Variants in CAST observed in about 807,000 individuals in gnomAD.
CAST encodes the protein MIR583 host.
A neutral mutation model predicts 119.6 loss-of-function variants in CAST; 76 were observed. The observed-to-expected ratio is 0.64, with a 90% confidence interval of 0.53 to 0.77. The LOEUF (loss-of-function observed/expected upper bound fraction) is 0.77, where lower values mean the gene tolerates loss of function less well. Among genes scored for constraint, CAST ranks in the 30% least tolerant of loss-of-function variants. The probability of loss-of-function intolerance (pLI) is 0.00; values close to 1 mark genes in which losing one functional copy is unlikely to be tolerated. For synonymous variants in CAST, 319 were observed against 331.6 expected, an observed-to-expected ratio of 0.96 and a Z score of 0.41; for missense variants, 953 against 946.5, an observed-to-expected ratio of 1.01 and a Z score of -0.09.
chr5:96,421,150 G>A, the CAST span, among the ~76,000 whole-genome samples: 1,985 of 152,344 alleles, frequency 0.013, 43 homozygotes, highest in African/African-American at 0.045. Flanking sequence ...GAGAGAAGTT[G>A]AAAGTCTCTT....
At chr5:96,351,077 A>G in the CAST span, among the ~76,000 whole-genome samples, 258 of 152,302 alleles carry the variant, frequency 1.7e-3, no homozygotes, top group Non-Finnish European at 2.4e-3. Flanking sequence ...AGGTTGAGAC[A>G]GTAACTTAGG....
At chr5:96,523,576 C>T (rs547963635), upstream of CAST, among the ~76,000 whole-genome samples, 2 of 152,252 alleles carry the variant, frequency 1.3e-5, no homozygotes, top group Admixed American at 6.5e-5. Flanking sequence ...CAGCTGGGAT[C>T]GCTCATAACA....
chr5:96,644,503 T>C (rs1347231743), intron 1 of CAST, among the ~76,000 whole-genome samples: 1 of 152,246 alleles, frequency 6.6e-6, no homozygotes, highest in African/African-American at 2.4e-5. Flanking sequence ...AACATAAAAT[T>C]GTTTTTCTTA....
chr5:96,329,181 C>A, the CAST span, among the ~76,000 whole-genome samples: 1,251 of 152,266 alleles, frequency 8.2e-3, 10 homozygotes, highest in Middle Eastern at 0.02. Flanking sequence ...TCTCTGAAAC[C>A]ACTTGGGTAT....
At chr5:96,519,055 T>C in the CAST span, among the ~76,000 whole-genome samples, 1 of 152,006 alleles carries the variant, frequency 6.6e-6, no homozygotes, top group Non-Finnish European at 1.5e-5. Flanking sequence ...AGCGAAACTG[T>C]CTCACACCCA....
chr5:95,984,056 A>G, the CAST span, among the ~76,000 whole-genome samples: 1 of 152,346 alleles, frequency 6.6e-6, no homozygotes, highest in African/African-American at 2.4e-5. Flanking sequence ...GTCTCTGATA[A>G]TGGGCTAACC....
the CAST span, among the ~76,000 whole-genome samples, chr5:96,353,796 T>C: frequency 6.6e-6 from 1 of 152,218 alleles, no homozygotes; most frequent in African/African-American, 2.4e-5. Flanking sequence ...TTCTTCAGCT[T>C]GCAAACAGCA....
the CAST span, among the ~76,000 whole-genome samples, chr5:95,972,329 C>T: frequency 6.6e-6 from 1 of 151,922 alleles, no homozygotes; most frequent in African/African-American, 2.4e-5. Context: ...AACTATTGCT[C>T]ATAGTGACTG....
chr5:96,263,441 A>G, the CAST span, among the ~76,000 whole-genome samples: 2 of 152,220 alleles, frequency 1.3e-5, no homozygotes. Context: ...ATGGAGCACA[A>G]GAAATCCTGA....
chr5:96,161,265 C>G, the CAST span, among the ~76,000 whole-genome samples: 1 of 152,020 alleles, frequency 6.6e-6, no homozygotes. Flanking sequence ...GGCCAGTTTT[C>G]TATTTTGAGT....
the CAST span, among the ~76,000 whole-genome samples, chr5:96,483,890 C>T: frequency 6.6e-6 from 1 of 152,156 alleles, no homozygotes; most frequent in South Asian, 2.1e-4. Context: ...TCAAGACTCA[C>T]ACCCTAATCC....
At chr5:96,238,387 T>TCTTCTC in the CAST span, among the ~76,000 whole-genome samples, 19 of 149,522 alleles carry the variant, frequency 1.3e-4, no homozygotes, top group South Asian at 2.2e-4. Flanking sequence ...TTCTTCTCCT[T>TCTTCTC]CTTCTTCTTC....
chr5:96,553,962 A>T (rs1746184065), intron 1 of CAST, among the ~76,000 whole-genome samples: 1 of 152,200 alleles, frequency 6.6e-6, no homozygotes, highest in Admixed American at 6.5e-5. Flanking sequence ...TCAGTATTGT[A>T]AAAATGGCCT....
At chr5:96,395,454 A>G in the CAST span, among the ~76,000 whole-genome samples, 1 of 152,218 alleles carries the variant, frequency 6.6e-6, no homozygotes, top group Non-Finnish European at 1.5e-5. Context: ...GTGGAATACT[A>G]TGCAGCCATA....
the CAST span, among the ~76,000 whole-genome samples, chr5:96,400,537 A>G: frequency 6.6e-6 from 1 of 152,200 alleles, no homozygotes; most frequent in African/African-American, 2.4e-5. Context: ...CACTTTCTTT[A>G]TGCCCTCCAG....
At chr5:95,984,906 C>A in the CAST span, among the ~76,000 whole-genome samples, 3 of 151,930 alleles carry the variant, frequency 2.0e-5, no homozygotes, top group Non-Finnish European at 4.4e-5. Context: ...TATTTTTATT[C>A]ATAAAATATT....
At chr5:96,098,573 A>G in the CAST span, among the ~76,000 whole-genome samples, 1 of 152,124 alleles carries the variant, frequency 6.6e-6, no homozygotes, top group Non-Finnish European at 1.5e-5. Flanking sequence ...TATTTATTGG[A>G]TAGGGAATCC....
chr5:96,106,356 A>C, the CAST span, among the ~76,000 whole-genome samples: 1 of 152,136 alleles, frequency 6.6e-6, no homozygotes, highest in Non-Finnish European at 1.5e-5. Flanking sequence ...TCTTGTGGGC[A>C]TTTAGTGCTA....
chr5:96,303,277 C>G, the CAST span, among the ~76,000 whole-genome samples: 1 of 152,130 alleles, frequency 6.6e-6, no homozygotes. Context: ...CCAGTCACCT[C>G]CCACCAAGCC....
Sources: allele counts gnomAD v4.1 joint callset (sites outside exome capture counted in the v4.1 genomes callset), GRCh38; gene constraint gnomAD v4.1.1; transcripts MANE v1.5; gene names NCBI Gene and HGNC (gene_info 2026-07-23, HGNC 2026-07-21).